ERLIN2: variants seen among roughly 807,000 people sequenced by gnomAD.
ERLIN2 encodes the protein erlin-2.
A neutral mutation model predicts 41.5 loss-of-function variants in ERLIN2; 22 were observed. That is an observed-to-expected ratio of 0.53 (90% CI 0.38 to 0.76). ERLIN2 has a LOEUF of 0.76. Among genes scored for constraint, ERLIN2 ranks in the 30% least tolerant of loss-of-function variants. The pLI is 0.00. For synonymous variants in ERLIN2, 149 were observed against 150.9 expected (o/e 0.99, Z 0.09); for missense variants, 247 against 414.3 (o/e 0.60, Z 3.51).
rs966875011 is a variant in ERLIN2, at chr8:37,753,780, T to A, written c.820-135T>A. 19 of 833,886 alleles carry A rather than the reference T, an allele frequency of 2.3e-5. No individual in the cohort carries two copies. The East Asian group carries it at 4.7e-4, about 21-fold the overall frequency. 51.7% of individuals were successfully genotyped at this position (833,886 alleles called of 1,614,324 possible). The stretch of plus-strand genomic sequence containing the variant: ...TGCTCCAAGATCTGAGATGACTGTC[T>A]CTTACAGAAATGTAACAATGAGACC... On this transcript the variant is annotated intron_variant, in intron 11 of 11. Transcript: ENST00000519638.
intron 7 of ERLIN2, 28 bp from the exon 8 acceptor site, chr8:37,749,766 A>G (rs753454430): frequency 5.0e-5 from 80 of 1,612,280 alleles, no homozygotes; most frequent in Non-Finnish European, 6.8e-5. Flanking sequence ...TCACTTTCCC[A>G]TCAGCTGCTG....
intron 1 of ERLIN2, chr8:37,737,063 A>G (rs1802671859): frequency 4.7e-6 from 4 of 848,904 alleles, no homozygotes; most frequent in African/African-American, 1.8e-5. Context: ...CCTGGGAGGC[A>G]GAATCCACGC....
intron 9 of ERLIN2, 122 bp downstream of exon 9, chr8:37,750,608 A>C: frequency 1.2e-6 from 1 of 811,824 alleles, no homozygotes; most frequent in East Asian, 2.5e-5. Context: ...ACAGCACAGG[A>C]GTGGCAGGTG....
Position 37,740,391 on chromosome 8 carries a change from G to C in ERLIN2, c.134G>C (p.Ser45Thr). 6.2e-7 allele frequency: 1 copy of C among 1,612,916 alleles called. No individual in the cohort carries two copies. The highest frequency in any genetic ancestry group is 1.3e-5 in the African/African-American group (1 of 74,930). Residue 45 changes from serine to threonine, a missense_variant, in exon 3 of 12, where the codon AGC (serine) becomes ACC (threonine). By Grantham distance (58) the Ser-to-Thr change is moderately conservative. Transcript: ENST00000519638. ...YRGGALLTST[S>T]GPGFHLMLPF... ...GGCGGTGCCCTGCTGACTTCGACCA[G>C]CGGCCCTGGTTTCCATCTCATGCTC...
At chr8:37,745,249 G>C (rs1179586176) in intron 6 of ERLIN2, 1 of 464,750 alleles carries the variant, frequency 2.2e-6, no homozygotes, top group African/African-American at 1.9e-5. Context: ...AATTCTAGAA[G>C]TGAGATGAGA....
intron 6 of ERLIN2, chr8:37,746,247 A>G: frequency 1.0e-6 from 1 of 985,644 alleles, no homozygotes; most frequent in Non-Finnish European, 1.2e-6. Flanking sequence ...GGACTCTTAT[A>G]GCCCAGACTT....
intron 5 of ERLIN2, 53 bp from the exon 6 acceptor site, chr8:37,744,518 G>A: frequency 1.2e-6 from 2 of 1,613,512 alleles, no homozygotes; most frequent in Non-Finnish European, 1.7e-6. Flanking sequence ...CCGTGTCTGA[G>A]GGCATTTTGA....
chr8:37,753,762 AGATCT>A (rs1157520408), intron 11 of ERLIN2, among the ~76,000 whole-genome samples, 148 bp from the exon 12 acceptor site: 2 of 152,228 alleles, frequency 1.3e-5, no homozygotes, highest in Non-Finnish European at 2.9e-5. Flanking sequence ...CTATGCTCCA[AGATCT>A]GAGATGACTG....
intron 8 of ERLIN2, chr8:37,750,100 G>T: frequency 1.6e-6 from 1 of 626,342 alleles, no homozygotes; most frequent in East Asian, 2.7e-5. Flanking sequence ...AGGGGGCCTT[G>T]TTTGTGTTCA....
chr8:37,737,375 C>T (rs1238698605), intron 1 of ERLIN2: 1 of 186,988 alleles, frequency 5.3e-6, no homozygotes, highest in Non-Finnish European at 1.2e-5. Context: ...CCAACGAATC[C>T]TACCTTGAAA....
Position 37,741,965 on chromosome 8 carries a change from G to A in ERLIN2, c.236+147G>A. 1.4e-6 allele frequency: 1 copy of A among 715,576 alleles called. No homozygotes were observed. The highest frequency in any genetic ancestry group is 1.5e-5 in the South Asian group (1 of 67,564). The allele number at this position is 715,576 out of a possible 1,614,324, so 44.3% of individuals were successfully genotyped here. A position where few individuals can be genotyped will look rare whatever the true frequency, so the allele number is the denominator to read the frequency against. ...GCTCCCTATATTGATTTGACCAGGT[G>A]ATGGAGTGCAGTAGAGGAAATCATA... On this transcript the variant is annotated intron_variant, in intron 4 of 11. Coordinates refer to ENST00000519638, the MANE Select transcript of ERLIN2 (RefSeq NM_007175.8). The surrounding 1 kb of genome is among the most constrained non-coding windows in gnomAD (Gnocchi z 4.8).
At chr8:37,750,921 A>G (rs1205833862) in intron 9 of ERLIN2, among the ~76,000 whole-genome samples, 1 of 152,148 alleles carries the variant, frequency 6.6e-6, no homozygotes, top group African/African-American at 2.4e-5. Flanking sequence ...GGGTGTCACC[A>G]TGTTGGCCAA....
intron 6 of ERLIN2, chr8:37,745,824 G>T: frequency 7.5e-7 from 1 of 1,339,732 alleles, no homozygotes; most frequent in Non-Finnish European, 9.6e-7. Flanking sequence ...AGAAAAAGTT[G>T]GTAAATTTGC....
chr8:37,742,779 A>ACCTGCACAT (rs1450060292), intron 4 of ERLIN2, among the ~76,000 whole-genome samples: 1 of 152,242 alleles, frequency 6.6e-6, no homozygotes, highest in African/African-American at 2.4e-5. Context: ...TATGTAACAA[A>ACCTGCACAT]CCTGCACATC....
At chr8:37,745,455 A>G in intron 6 of ERLIN2, 3 of 1,054,548 alleles carry the variant, frequency 2.8e-6, no homozygotes, top group Non-Finnish European at 4.4e-6. Context: ...GGTAACTGTT[A>G]TAACTTGTTT....
chr8:37,747,900 G>A, intron 6 of ERLIN2: 3 of 1,614,104 alleles, frequency 1.9e-6, no homozygotes, highest in Non-Finnish European at 2.5e-6. Flanking sequence ...GGACCACCTG[G>A]CCGCACAAAC....
At chr8:37,749,066 A>C (rs1172024746) in intron 6 of ERLIN2, among the ~76,000 whole-genome samples, 2 of 152,200 alleles carry the variant, frequency 1.3e-5, no homozygotes, top group African/African-American at 4.8e-5. Context: ...CTTGACGTCA[A>C]AGTCTGTTTT....
chr8:37,749,828 C>T lies in ERLIN2; in HGVS notation c.533C>T (p.Ala178Val). The change falls in exon 8 of 12, where the codon GCA (alanine) becomes GTA (valine). Residue 178 changes from alanine to valine, a missense_variant. Physicochemically the swap from Ala to Val is moderately conservative, Grantham distance 64. Coordinates refer to ENST00000519638, the MANE Select transcript of ERLIN2 (RefSeq NM_007175.8). ...GTAACAAAGCCCAACATACCAGAGG[C>T]AATCCGCAGAAACTACGAGTTGATG... ...VRVTKPNIPEAIRRNYELMES... is the reference protein window; with the variant it reads ...VRVTKPNIPEVIRRNYELMES... 6.2e-7 allele frequency: 1 copy of T among 1,614,190 alleles called. No homozygotes were observed. The highest frequency in any genetic ancestry group is 8.5e-7 in the Non-Finnish European group (1 of 1,180,006).
intron 3 of ERLIN2, chr8:37,740,838 C>G (rs1461304994): frequency 6.6e-6 from 1 of 152,636 alleles, no homozygotes; most frequent in Non-Finnish European, 1.5e-5. Flanking sequence ...AGGAGTTAAA[C>G]TAAGTGAGGG....
Sources: allele counts gnomAD v4.1 joint callset (sites outside exome capture counted in the v4.1 genomes callset), GRCh38; gene constraint gnomAD v4.1.1; non-coding constraint Gnocchi (gnomAD v3.1); transcripts MANE v1.5; gene names NCBI Gene and HGNC (gene_info 2026-07-23, HGNC 2026-07-21).